PYHIN1: variants seen among roughly 807,000 people sequenced by gnomAD.
The protein encoded by PYHIN1 is pyrin and HIN domain-containing protein 1.
Under a neutral mutation model 43.7 loss-of-function variants are expected in PYHIN1, and 32 were observed. The observed-to-expected ratio is 0.73, with a 90% confidence interval of 0.55 to 0.98. PYHIN1 has a LOEUF of 0.98. Ranked by LOEUF, PYHIN1 falls within the 50% of genes least tolerant of loss-of-function variation. PYHIN1 has a pLI of 0.00. For missense variants in PYHIN1, 588 were observed against 589.5 expected (o/e 1.00, Z 0.03); for synonymous variants, 205 against 203.1 (o/e 1.01, Z -0.08).
At chr1:158,939,716 A>T in intron 4 of PYHIN1, 1 of 586,718 alleles carries the variant, frequency 1.7e-6, no homozygotes, top group South Asian at 2.3e-5. Context: ...CCTCACTTAG[A>T]CCCCTGTAAC....
At chr1:158,936,757 A>C (rs1220574410) in intron 1 of PYHIN1, 134 bp from the exon 2 acceptor site, 4 of 495,680 alleles carry the variant, frequency 8.1e-6, no homozygotes, top group Non-Finnish European at 1.3e-5. Flanking sequence ...ATGGAGAAAA[A>C]CTGGAAGAAT....
intron 7 of PYHIN1, among the ~76,000 whole-genome samples, chr1:158,955,126 G>C (rs980295998): frequency 1.3e-5 from 2 of 151,826 alleles, no homozygotes; most frequent in African/African-American, 4.9e-5. Context: ...CCTACAAAGA[G>C]ACTTAGACTC....
Position 158,939,067 on chromosome 1 carries a change from A to T in PYHIN1, c.412-13A>T, listed in dbSNP as rs1313292684. The T allele has an allele frequency of 6.4e-7, 1 of 1,560,842 alleles. No homozygotes were observed. The highest frequency in any genetic ancestry group is 2.3e-5 in the East Asian group (1 of 44,364). ...ACTGAAAGTAATTAACAAGAAAAAT[A>T]AACTACTTGTAGAAAAGAAAAAAAC... On this transcript the variant is annotated splice_polypyrimidine_tract_variant and intron_variant, in intron 3 of 8. Coordinates refer to ENST00000368140, the MANE Select transcript of PYHIN1 (RefSeq NM_152501.5).
At chr1:158,963,297 G>A (rs993221199) in intron 7 of PYHIN1, among the ~76,000 whole-genome samples, 2 of 151,962 alleles carry the variant, frequency 1.3e-5, no homozygotes, top group Non-Finnish European at 2.9e-5. Flanking sequence ...CACCAAACCG[G>A]GACCCTCTGG....
At chr1:158,944,075 T>C in intron 6 of PYHIN1, 97 bp downstream of exon 6, 1 of 992,614 alleles carries the variant, frequency 1.0e-6, no homozygotes, top group Non-Finnish European at 1.4e-6. Context: ...CACTTAAAAT[T>C]CTGCAGAGTT....
At position 158,976,818 on chromosome 1, in the gene PYHIN1, T is replaced by A. The variant is rs888262859; in HGVS notation, c.*123T>A. 1.2e-5 allele frequency: 10 copies of A among 835,276 alleles called. No individual in the cohort carries two copies. In the African/African-American group the frequency reaches 1.5e-4, roughly 12 times the overall value. 51.7% of individuals were successfully genotyped at this position (835,276 alleles called of 1,614,324 possible). Reference sequence around the variant, plus strand: ...CCATTGGTAATGATGTTTATGAAGATAAGATCAAAGCACAGAAAATAATAT... The same window carrying A: ...CCATTGGTAATGATGTTTATGAAGAAAAGATCAAAGCACAGAAAATAATAT... On this transcript the variant is annotated 3_prime_UTR_variant, in exon 9 of 9. Transcript: ENST00000368140.
rs185217317 is a variant in PYHIN1, at chr1:158,971,058, A to G, written c.1360-2589A>G. Among the ~76,000 whole-genome samples the G allele has an allele frequency of 2.1e-3, 321 of 152,098 alleles. 3 individuals carry two copies. The highest frequency in any genetic ancestry group is 4.8e-3 in the South Asian group (23 of 4,826). On this transcript the variant is annotated intron_variant, in intron 7 of 8. Transcript: ENST00000368140. ...ATATTAAAATATCTGTAATATATCA[A>G]TAAGCATTTCAAATAGTGTTGAATT...
intron 7 of PYHIN1, among the ~76,000 whole-genome samples, chr1:158,972,663 A>G (rs1260381921): frequency 6.6e-6 from 1 of 151,960 alleles, no homozygotes; most frequent in Non-Finnish European, 1.5e-5. Flanking sequence ...TCTTTCCTAC[A>G]TGTTTTTGTT....
intron 5 of PYHIN1, among the ~76,000 whole-genome samples, chr1:158,943,517 A>G (rs1056496374): frequency 6.6e-6 from 1 of 152,208 alleles, no homozygotes; most frequent in Non-Finnish European, 1.5e-5. Context: ...TGGGAAGCAT[A>G]GCAGTCTTGG....
intron 7 of PYHIN1, among the ~76,000 whole-genome samples, chr1:158,954,901 A>G (rs1301734618): frequency 6.6e-6 from 1 of 150,448 alleles, no homozygotes; most frequent in African/African-American, 2.4e-5. Flanking sequence ...AAAAGGATGG[A>G]GGAAGATCTA....
At chr1:158,939,513 A>G (rs904739845) in intron 4 of PYHIN1, 1 of 1,550,718 alleles carries the variant, frequency 6.4e-7, no homozygotes, top group Non-Finnish European at 8.7e-7. Flanking sequence ...CAACAGACTC[A>G]CTGTCTACTG....
intron 4 of PYHIN1, among the ~76,000 whole-genome samples, chr1:158,941,349 C>A (rs1163840689): frequency 6.6e-6 from 1 of 152,162 alleles, no homozygotes; most frequent in Non-Finnish European, 1.5e-5. Context: ...AGAGCCCTGA[C>A]ATTGAGAAAG....
chr1:158,985,402 C>T, the PYHIN1 span, among the ~76,000 whole-genome samples: 1 of 152,108 alleles, frequency 6.6e-6, no homozygotes, highest in African/African-American at 2.4e-5. Flanking sequence ...GTTTCTTTTT[C>T]ACTTACAAAG....
At chr1:158,989,698 G>A in the PYHIN1 span, among the ~76,000 whole-genome samples, 7 of 152,150 alleles carry the variant, frequency 4.6e-5, no homozygotes, top group African/African-American at 1.4e-4. Flanking sequence ...AGTCAACCCT[G>A]CTGACCTCTT....
chr1:158,939,288 C>G, intron 4 of PYHIN1, 41 bp downstream of exon 4: 1 of 1,581,912 alleles, frequency 6.3e-7, no homozygotes, highest in Non-Finnish European at 8.6e-7. Context: ...TTTTCTTCAA[C>G]CCAAAATGTA....
Position 158,933,654 on chromosome 1 carries a change from C to G in PYHIN1, c.-21+1878C>G, listed in dbSNP as rs953171123. On this transcript the variant is annotated intron_variant, in intron 1 of 8. Transcript: ENST00000368140. The surrounding 1 kb of genome is among the most constrained non-coding windows in gnomAD (Gnocchi z 6.3). ...ACATATTTTGGCCTGCTTCTGCTAT[C>G]TTCACTTCAATTTATAACACTTCTA... Among the ~76,000 whole-genome samples the G allele has an allele frequency of 2.0e-5, 3 of 151,930 alleles. No homozygotes were observed. Among genetic ancestry groups the G allele is most frequent in the African/African-American group, 7.2e-5 (3 of 41,472 alleles).
At chr1:158,986,086 T>C in the PYHIN1 span, among the ~76,000 whole-genome samples, 2 of 152,204 alleles carry the variant, frequency 1.3e-5, no homozygotes, top group East Asian at 1.9e-4. Context: ...TTCCTTTGAT[T>C]GGGTTTCTGC....
chr1:158,943,728 C>A, intron 5 of PYHIN1, 62 bp from the exon 6 acceptor site: 1 of 1,281,958 alleles, frequency 7.8e-7, no homozygotes, highest in Non-Finnish European at 1.1e-6. Flanking sequence ...TCACAAGAGA[C>A]TTTCCTATAT....
downstream of PYHIN1, among the ~76,000 whole-genome samples, chr1:158,979,548 C>T (rs1168836565): frequency 1.3e-5 from 2 of 152,050 alleles, no homozygotes; most frequent in Non-Finnish European, 2.9e-5. Flanking sequence ...ATATACACAC[C>T]ACATTTTCTT....
Sources: gnomAD v4.1 joint callset for allele counts (sites outside exome capture counted in the v4.1 genomes callset) on GRCh38, gnomAD v4.1.1 for gene constraint, Gnocchi (gnomAD v3.1) non-coding constraint, MANE v1.5 for transcripts, NCBI Gene and HGNC (gene_info 2026-07-23, HGNC 2026-07-21) for gene names.